Variants in NDUFA3 observed in about 807,000 individuals in gnomAD.
NDUFA3 encodes the protein NADH dehydrogenase [ubiquinone] 1 alpha subcomplex subunit 3.
A neutral mutation model predicts 11.4 loss-of-function variants in NDUFA3; 10 were observed. The ratio of observed to expected loss-of-function variants is 0.87; its 90% confidence interval spans 0.54 to 1.48. The LOEUF (loss-of-function observed/expected upper bound fraction) is 1.48, where lower values mean the gene tolerates loss of function less well. Among genes scored for constraint, NDUFA3 ranks in the 40% most tolerant of loss-of-function variants. The pLI is 0.00. For missense variants in NDUFA3, 115 were observed against 110.5 expected (o/e 1.04, Z -0.18); for synonymous variants, 39 against 46.9 (o/e 0.83, Z 0.68).
rs976071656 is a variant in NDUFA3 at position 54,105,723 on chromosome 19, C to T, written c.86-211C>T. 35 of 673,020 alleles carry T rather than the reference C, an allele frequency of 5.2e-5. No homozygotes were observed. The East Asian group carries it at 8.4e-4, about 16-fold the overall frequency. 41.7% of individuals were successfully genotyped at this position (673,020 alleles called of 1,614,324 possible). A position where few individuals can be genotyped will look rare whatever the true frequency, so the allele number is the denominator to read the frequency against. On this transcript the variant is annotated intron_variant, in intron 2 of 3. Coordinates refer to ENST00000485876, the MANE Select transcript of NDUFA3 (RefSeq NM_004542.4). The stretch of plus-strand genomic sequence containing the variant: ...GTATCTGTGAGTGTTAGGCTCCAAC[C>T]CCTACCTCCACTTAACCCCCCAAAA...
chr19:54,105,263 G>GATTTTTTTTTTTTTTT (rs1201834834), intron 2 of NDUFA3, among the ~76,000 whole-genome samples: 561 of 38,950 alleles, frequency 0.014, 26 homozygotes, highest in African/African-American at 0.018. Flanking sequence ...AGTTTGTAAG[G>GATTTTTTTTTTTTTTT]CTTTTTTTTT....
chr19:54,104,494 C>T (rs1351960774), intron 2 of NDUFA3, among the ~76,000 whole-genome samples: 1 of 152,006 alleles, frequency 6.6e-6, no homozygotes, highest in Non-Finnish European at 1.5e-5. Flanking sequence ...TGAAGAGTTC[C>T]CAGGTCTTGT....
At chr19:54,104,961 C>T (rs1390619703) in intron 2 of NDUFA3, among the ~76,000 whole-genome samples, 1 of 149,794 alleles carries the variant, frequency 6.7e-6, no homozygotes, top group African/African-American at 2.4e-5. Flanking sequence ...TGGTCTCGAA[C>T]TCCTGACCTC....
Position 54,106,238 on chromosome 19 carries a change from G to A in NDUFA3, c.163+227G>A, listed in dbSNP as rs769930448. ...TTTTGAGACAGAGTCTCGCTCTGTC[G>A]CCAAGGCTGGAGTGCAGTGGCGCGA... On this transcript the variant is annotated intron_variant, in intron 3 of 3. Coordinates refer to ENST00000485876, the MANE Select transcript of NDUFA3 (RefSeq NM_004542.4). 185 of 549,702 alleles carry A rather than the reference G, an allele frequency of 3.4e-4. 1 individual carries two copies. Among genetic ancestry groups the A allele is most frequent in the Non-Finnish European group, 5.4e-4 (168 of 309,624 alleles). 34.1% of individuals were successfully genotyped at this position (549,702 alleles called of 1,614,324 possible). A position where few individuals can be genotyped will look rare whatever the true frequency, so the allele number is the denominator to read the frequency against.
chr19:54,103,440 C>T (rs1242131607), intron 2 of NDUFA3, among the ~76,000 whole-genome samples: 2 of 152,142 alleles, frequency 1.3e-5, no homozygotes, highest in African/African-American at 4.8e-5. Context: ...TATGCCTTAA[C>T]ACCTGAGCAC....
At position 54,107,416 on chromosome 19, in the gene NDUFA3, G is replaced by GT. The variant is rs34453476; in HGVS notation, c.*520dup. On this transcript the variant is annotated 3_prime_UTR_variant, in exon 4 of 4. Coordinates refer to ENST00000485876, the MANE Select transcript of NDUFA3 (RefSeq NM_004542.4). ...GGCACTTGCCAACCAAGCCTAACAT[G>GT]TTTTTTCTTTTTGGTAGAGATGGGG... 1 of 525,054 alleles carries GT rather than the reference G, an allele frequency of 1.9e-6. No individual in the cohort carries two copies. The highest frequency in any genetic ancestry group is 1.9e-5 in the African/African-American group (1 of 51,486). 32.5% of individuals were successfully genotyped at this position (525,054 alleles called of 1,614,324 possible).
rs191833355 is a variant in NDUFA3 at position 54,107,339 on chromosome 19, C to T, written c.*437C>T. ...TCATAGTTCACTGCAGCCTCTGCCT[C>T]CCAGGCTCAAGTGATCCTCCCACCT... On this transcript the variant is annotated 3_prime_UTR_variant, in exon 4 of 4. Coordinates refer to ENST00000485876, the MANE Select transcript of NDUFA3 (RefSeq NM_004542.4). 108 of 864,452 alleles carry T rather than the reference C, an allele frequency of 1.2e-4. No homozygotes were observed. In the African/African-American group the frequency reaches 1.6e-3, roughly 13 times the overall value. 53.5% of individuals were successfully genotyped at this position (864,452 alleles called of 1,614,324 possible). A position where few individuals can be genotyped will look rare whatever the true frequency, so the allele number is the denominator to read the frequency against.
At chr19:54,105,744 CAA>C in intron 2 of NDUFA3, 188 bp from the exon 3 acceptor site, 1 of 665,036 alleles carries the variant, frequency 1.5e-6, no homozygotes, top group Admixed American at 2.4e-5. Context: ...CTTAACCCCC[CAA>C]AAAAGAGTTT....
At chr19:54,106,035 C>A in intron 3 of NDUFA3, 24 bp downstream of exon 3, 1 of 1,594,158 alleles carries the variant, frequency 6.3e-7, no homozygotes, top group African/African-American at 1.3e-5. Context: ...AGGCAGGGAT[C>A]CCCGGAATAG....
At chr19:54,106,469 T>A in intron 3 of NDUFA3, 1 of 377,156 alleles carries the variant, frequency 2.7e-6, no homozygotes, top group Non-Finnish European at 4.8e-6. Context: ...GCGCCTGGCC[T>A]GTGCTTCGAG....
rs758038039 is a variant in NDUFA3 at position 54,102,889 on chromosome 19, G to T, written c.10+1G>T. On this transcript the variant is annotated splice_donor_variant, in intron 1 of 3. Transcript: ENST00000485876. LOFTEE classifies it high-confidence loss of function. ...GCCGCGGAGACAAAGATGGCTGCGA[G>T]TAAGTGCAGGTGCCGGTGGCGCACG... 7 of 1,610,398 alleles carry T rather than the reference G, an allele frequency of 4.3e-6. No homozygotes were observed. The African/African-American group carries it at 5.3e-5, about 12-fold the overall frequency.
At chr19:54,104,289 C>T (rs2073190307) in intron 2 of NDUFA3, among the ~76,000 whole-genome samples, 2 of 151,968 alleles carry the variant, frequency 1.3e-5, no homozygotes, top group Non-Finnish European at 1.5e-5. Flanking sequence ...AGGCGAGCAC[C>T]ACCACGCCCG....
intron 2 of NDUFA3, among the ~76,000 whole-genome samples, chr19:54,104,907 T>C (rs584689): frequency 0.49 from 74,243 of 151,794 alleles, 18,401 homozygotes; most frequent in Non-Finnish European, 0.53. Context: ...CCTGGCTGTT[T>C]TTGTATTTTC....
chr19:54,104,420 C>T (rs1422315336), intron 2 of NDUFA3, among the ~76,000 whole-genome samples: 2 of 152,268 alleles, frequency 1.3e-5, no homozygotes, highest in South Asian at 4.1e-4. Flanking sequence ...TGAGCCACTG[C>T]GCCCGGCCAA....
At chr19:54,103,798 C>T (rs1397993711) in intron 2 of NDUFA3, among the ~76,000 whole-genome samples, 3 of 152,036 alleles carry the variant, frequency 2.0e-5, no homozygotes, top group Non-Finnish European at 4.4e-5. Flanking sequence ...CCTGCCTCAG[C>T]CTCCCGAGTA....
chr19:54,105,684 C>T (rs1231929843), intron 2 of NDUFA3: 2 of 691,230 alleles, frequency 2.9e-6, no homozygotes, highest in Non-Finnish European at 5.4e-6. Context: ...ACTGCTGCCT[C>T]CTCCAGGCCC....
At position 54,102,901 on chromosome 19, in the gene NDUFA3, G is replaced by A. The variant is rs254260; in HGVS notation, c.10+13G>A. ...AAGATGGCTGCGAGTAAGTGCAGGT[G>A]CCGGTGGCGCACGGGGCTCGGGTAG... is the stretch of plus-strand genomic sequence containing the variant. On this transcript the variant is annotated intron_variant, in intron 1 of 3. Transcript: ENST00000485876. 11 of 1,609,594 alleles carry A rather than the reference G, an allele frequency of 6.8e-6. No homozygotes were observed. Among genetic ancestry groups the A allele is most frequent in the South Asian group, 1.1e-5 (1 of 90,602 alleles).
chr19:54,104,792 G>A (rs1312582576), intron 2 of NDUFA3, among the ~76,000 whole-genome samples: 2 of 151,732 alleles, frequency 1.3e-5, no homozygotes, highest in Non-Finnish European at 2.9e-5. Context: ...AGGCTAGAGT[G>A]CAATGGCCTG....
At position 54,107,395 on chromosome 19, in the gene NDUFA3, C is replaced by T. The variant is rs149793065; in HGVS notation, c.*493C>T. The stretch of plus-strand genomic sequence containing the variant: ...TCCCAAGTAGCTGGGACTACAGGCA[C>T]TTGCCAACCAAGCCTAACATGTTTT... On this transcript the variant is annotated 3_prime_UTR_variant, in exon 4 of 4. Transcript: ENST00000485876. The T allele has an allele frequency of 1.1e-3, 612 of 571,706 alleles. 6 individuals are homozygous for T. The highest frequency in any genetic ancestry group is 0.01 in the African/African-American group (550 of 52,864). The allele number at this position is 571,706 out of a possible 1,614,324, so 35.4% of individuals were successfully genotyped here.
Sources: gnomAD v4.1 joint callset for allele counts (sites outside exome capture counted in the v4.1 genomes callset) on GRCh38, gnomAD v4.1.1 for gene constraint, MANE v1.5 for transcripts, NCBI Gene and HGNC (gene_info 2026-07-23, HGNC 2026-07-21) for gene names.